The following HEG1 variants were observed in gnomAD, a reference collection of about 807,000 sequenced individuals.
HEG1 encodes heart development protein with EGF like domains 1.
A neutral mutation model predicts 125.6 loss-of-function variants in HEG1; 56 were observed. The ratio of observed to expected loss-of-function variants is 0.45; its 90% CI spans 0.36 to 0.56. HEG1 has a LOEUF of 0.56. Ranked by LOEUF, HEG1 falls within the 20% of genes least tolerant of loss-of-function variation. HEG1 has a pLI of 0.00. For synonymous variants in HEG1, 644 were observed against 668.5 expected (o/e 0.96, Z 0.57); for missense variants, 1,523 against 1,670.0 (o/e 0.91, Z 1.53).
Position 125,021,082 on chromosome 3 carries a change from G to A in HEG1, c.962C>T (p.Ser321Phe), listed in dbSNP as rs376280292. The A allele has an allele frequency of 3.5e-5, 56 of 1,598,882 alleles. No individual in the cohort carries two copies. Among genetic ancestry groups the A allele is most frequent in the Admixed American group, 1.9e-4 (11 of 57,408 alleles). Residue 321 changes from serine (S) to phenylalanine (F), a missense_variant, in exon 4 of 17, where the codon TCC becomes TTC. Coordinates refer to ENST00000311127, the MANE Select transcript of HEG1 (RefSeq NM_020733.2). ...KLNNSTGLQS[S>F]SVSQTKTMHV... Reference sequence around the variant, plus strand: ...CATTGTCTTTGTTTGACTGACTGAGGAGCTCTGGAGGCCAGTGGAGTTGTT... The same window carrying A: ...CATTGTCTTTGTTTGACTGACTGAGAAGCTCTGGAGGCCAGTGGAGTTGTT...
intron 3 of HEG1, among the ~76,000 whole-genome samples, chr3:125,025,658 T>A (rs975813270): frequency 6.6e-6 from 1 of 152,206 alleles, no homozygotes; most frequent in Non-Finnish European, 1.5e-5. Flanking sequence ...CAAAGTAGGT[T>A]GAATTTAAAT....
In HEG1 at chr3:125,002,329, C is replaced by T; in HGVS notation, c.3298-14G>A. On this transcript the variant is annotated splice_polypyrimidine_tract_variant and intron_variant, in intron 9 of 16. Coordinates refer to ENST00000311127, the MANE Select transcript of HEG1 (RefSeq NM_020733.2). The stretch of plus-strand genomic sequence containing the variant: ...ACACATATTTAACTGAAAGGAAGAA[C>T]AAGCCTGTCGTTAACAGTGAGTTAG... 2.5e-6 allele frequency: 4 copies of T among 1,611,832 alleles called. No homozygotes were observed. The highest frequency in any genetic ancestry group is 3.4e-6 in the Non-Finnish European group (4 of 1,178,522).
intron 12 of HEG1, among the ~76,000 whole-genome samples, chr3:124,991,765 CA>C (rs1021907278): frequency 1.3e-5 from 2 of 152,200 alleles, no homozygotes; most frequent in African/African-American, 4.8e-5. Context: ...GGGCCCGCCA[CA>C]AAGCCTGGCT....
intron 1 of HEG1, among the ~76,000 whole-genome samples, chr3:125,053,538 G>A (rs1265865941): frequency 2.6e-5 from 4 of 152,172 alleles, no homozygotes; most frequent in Middle Eastern, 3.2e-3. Context: ...TTGAGCCACT[G>A]AAGAGGAGGC....
At chr3:125,011,460 A>G (rs1937156769) in intron 6 of HEG1, among the ~76,000 whole-genome samples, 1 of 152,226 alleles carries the variant, frequency 6.6e-6, no homozygotes, top group Non-Finnish European at 1.5e-5. Context: ...CAGAATGGCT[A>G]ATGGCTTTAA....
chr3:124,975,362 A>T (rs937701570), intron 15 of HEG1, among the ~76,000 whole-genome samples: 1 of 152,190 alleles, frequency 6.6e-6, no homozygotes, highest in African/African-American at 2.4e-5. Context: ...ATCTGAATAG[A>T]TCATCACAGA....
At chr3:125,004,501 T>C (rs1288762585) in intron 9 of HEG1, among the ~76,000 whole-genome samples, 1 of 152,104 alleles carries the variant, frequency 6.6e-6, no homozygotes, top group African/African-American at 2.4e-5. Flanking sequence ...GGGTTTCTTT[T>C]GTTTTTGAGA....
At position 125,036,139 on chromosome 3, in the gene HEG1, G is replaced by A. The variant is rs183882802; in HGVS notation, c.317-6651C>T. 6.0e-5 allele frequency among the ~76,000 whole-genome samples: 9 copies of A among 148,774 alleles called. No individual in the cohort carries two copies. The East Asian group carries it at 1.8e-3, about 30-fold the overall frequency. On this transcript the variant is annotated intron_variant, in intron 1 of 16. Transcript: ENST00000311127. ...GTGGGAGGACTGTTTGAGCCTAGGA[G>A]GTCAAGGCTGCAGTGAGCTATGATG...
intron 14 of HEG1, among the ~76,000 whole-genome samples, chr3:124,983,701 G>A (rs137992769): frequency 9.9e-5 from 15 of 151,842 alleles, no homozygotes; most frequent in African/African-American, 3.1e-4. Flanking sequence ...ATTTTCTCCC[G>A]CACCTTCTGA....
chr3:124,994,550 G>C (rs1936887324), intron 12 of HEG1, among the ~76,000 whole-genome samples: 1 of 150,670 alleles, frequency 6.6e-6, no homozygotes, highest in South Asian at 2.1e-4. Context: ...CTGTCACCCA[G>C]GCTGGAGTGC....
chr3:124,980,150 G>A (rs1286074982), intron 14 of HEG1, among the ~76,000 whole-genome samples: 2 of 152,114 alleles, frequency 1.3e-5, no homozygotes, highest in East Asian at 3.8e-4. Context: ...CCCCCAACAT[G>A]GCTCTGAGCT....
At chr3:125,027,176 G>A (rs758994710) in intron 3 of HEG1, 29 bp downstream of exon 3, 15 of 1,534,002 alleles carry the variant, frequency 9.8e-6, no homozygotes, top group South Asian at 7.7e-5. Context: ...AGTGACTTCC[G>A]AGTGTTAAGC....
rs1390344044 is a variant in HEG1 at position 124,970,712 on chromosome 3, G to A, written c.4086C>T (p.Phe1362=). Residue 1362 remains phenylalanine, a synonymous_variant, in exon 17 of 17, where the codon TTC becomes TTT. Transcript: ENST00000311127. The part of the protein sequence containing the change: ...GLPGSRHSCI[F]PGQYNPSFIS... ...TGAAAGACGGGTTATACTGTCCGGG[G>A]AAAATGCAAGAATGCCGTGATCCTG... 3.1e-6 allele frequency: 5 copies of A among 1,609,422 alleles called. No individual in the cohort carries two copies. The Admixed American group carries it at 6.7e-5, about 22-fold the overall frequency.
intron 8 of HEG1, 190 bp downstream of exon 8, chr3:125,009,515 C>T (rs1937119685): frequency 6.6e-6 from 3 of 451,582 alleles, no homozygotes; most frequent in Non-Finnish European, 1.2e-5. Flanking sequence ...ACATCAAAAA[C>T]ATAATGCAAA....
In HEG1 at chr3:125,046,979, C is replaced by T. The variant is rs141746400; in HGVS notation, c.316+8596G>A. On this transcript the variant is annotated intron_variant, in intron 1 of 16. Coordinates refer to ENST00000311127, the MANE Select transcript of HEG1 (RefSeq NM_020733.2). ...TATTCAATCCTAATAGCTTTCTATGCGTTCATCTGGTCTCCTCAGATGACC... is the reference window on the plus strand; with the variant it reads ...TATTCAATCCTAATAGCTTTCTATGTGTTCATCTGGTCTCCTCAGATGACC... Among the ~76,000 whole-genome samples, 182 of 152,352 alleles carry T rather than the reference C, an allele frequency of 1.2e-3. 3 individuals are homozygous for T. The East Asian group carries it at 0.024, about 20-fold the overall frequency.
rs777872346 is a variant in HEG1 at position 125,001,982 on chromosome 3, T to C, written c.3387A>G (p.Gln1129=). 1.2e-6 allele frequency: 2 copies of C among 1,614,064 alleles called. No homozygotes were observed. The highest frequency in any genetic ancestry group is 1.7e-6 in the Non-Finnish European group (2 of 1,179,900). The change falls in exon 11 of 17, where the codon CAA becomes CAG. Residue 1129 remains glutamine, a synonymous_variant. Coordinates refer to ENST00000311127, the MANE Select transcript of HEG1 (RefSeq NM_020733.2). ...CATTGGAGGCCAGGGAAAAGGTTGTTTGCAGTGAGATCACCACCGCGTTGG... is the reference window on the plus strand; with the variant it reads ...CATTGGAGGCCAGGGAAAAGGTTGTCTGCAGTGAGATCACCACCGCGTTGG... ...RESNAVVISL[Q]TTFSLASNVT... is the part of the protein sequence containing the mutation.
Position 124,967,331 on chromosome 3 carries a change from T to C in HEG1, c.*3321A>G, listed in dbSNP as rs533091382. ...CCAGGTCCTTGCCTTCCACTTCCTA[T>C]ACCAAAGCCACGTGCCAGTGTGCTT... On this transcript the variant is annotated 3_prime_UTR_variant, in exon 17 of 17. Transcript: ENST00000311127. 1 of 152,232 alleles carries C rather than the reference T, an allele frequency of 6.6e-6. No homozygotes were observed. Among genetic ancestry groups the C allele is most frequent in the African/African-American group, 2.4e-5 (1 of 41,544 alleles). The allele number at this position is 152,232 out of a possible 1,614,324, so 9.4% of individuals were successfully genotyped here.
intron 14 of HEG1, among the ~76,000 whole-genome samples, chr3:124,980,666 G>A (rs549054595): frequency 5.9e-5 from 9 of 152,024 alleles, no homozygotes; most frequent in East Asian, 5.8e-4. Flanking sequence ...ACAGGCACGC[G>A]CCACCATGCC....
At chr3:125,027,649 A>G in intron 2 of HEG1, 142 bp from the exon 3 acceptor site, 2 of 719,772 alleles carry the variant, frequency 2.8e-6, no homozygotes, top group Non-Finnish European at 4.5e-6. Flanking sequence ...TATGAAAAAT[A>G]AACTCCTGAA....
Sources: allele counts gnomAD v4.1 joint callset (sites outside exome capture counted in the v4.1 genomes callset), GRCh38; gene constraint gnomAD v4.1.1; transcripts MANE v1.5; gene names NCBI Gene and HGNC (gene_info 2026-07-23, HGNC 2026-07-21).